The following SMIM36 variants were observed in gnomAD, a reference collection of about 807,000 sequenced individuals.
SMIM36 encodes the protein small integral membrane protein 36.
chr17:55,521,093 A>C, the SMIM36 span, among the ~76,000 whole-genome samples: 1 of 152,210 alleles, frequency 6.6e-6, no homozygotes, highest in African/African-American at 2.4e-5. Context: ...ACTGCACTCC[A>C]GCTTGACTGG....
intron 1 of SMIM36, among the ~76,000 whole-genome samples, chr17:55,501,016 T>TATATA (rs1567870722): frequency 0.012 from 128 of 10,250 alleles, 36 homozygotes; most frequent in African/African-American, 0.055. Context: ...ATTATTATAT[T>TATATA]TTGTAATATA....
At chr17:55,469,992 CA>C (rs1267971988) in intron 3 of SMIM36, among the ~76,000 whole-genome samples, 7 of 146,390 alleles carry the variant, frequency 4.8e-5, no homozygotes, top group Non-Finnish European at 7.5e-5. Flanking sequence ...AAAAAAAAAA[CA>C]AAAAAAAACC....
At chr17:55,531,227 A>T in the SMIM36 span, among the ~76,000 whole-genome samples, 1 of 152,086 alleles carries the variant, frequency 6.6e-6, no homozygotes, top group Admixed American at 6.6e-5. Context: ...TGACCTCCCC[A>T]CATGACCAAA....
At chr17:55,460,879 A>C (rs184328890) in intron 4 of SMIM36, among the ~76,000 whole-genome samples, 410 of 152,294 alleles carry the variant, frequency 2.7e-3, no homozygotes, top group Non-Finnish European at 3.9e-3. Context: ...AACAAAAAAA[A>C]CCATAAATAC....
chr17:55,469,539 A>G (rs1909304744), intron 3 of SMIM36, among the ~76,000 whole-genome samples: 1 of 152,168 alleles, frequency 6.6e-6, no homozygotes, highest in South Asian at 2.1e-4. Context: ...ATTAGATTCC[A>G]GCTTTTGAAC....
intron 1 of SMIM36, among the ~76,000 whole-genome samples, chr17:55,480,837 G>A (rs1470225246): frequency 1.3e-5 from 2 of 152,062 alleles, no homozygotes; most frequent in African/African-American, 2.4e-5. Context: ...AACAGCAGGG[G>A]CAACCATGAT....
the SMIM36 span, among the ~76,000 whole-genome samples, chr17:55,525,718 C>T: frequency 0.033 from 4,994 of 151,474 alleles, 238 homozygotes; most frequent in African/African-American, 0.11. Flanking sequence ...AGTGCAGTGG[C>T]GTGATCTCGG....
upstream of SMIM36, among the ~76,000 whole-genome samples, chr17:55,513,902 G>GC (rs940563623): frequency 2.6e-5 from 4 of 152,056 alleles, no homozygotes; most frequent in African/African-American, 9.7e-5. Flanking sequence ...TTCTTAGATT[G>GC]CCCCCATTCT....
At chr17:55,515,338 G>A (rs1390156314), upstream of SMIM36, among the ~76,000 whole-genome samples, 1 of 151,970 alleles carries the variant, frequency 6.6e-6, no homozygotes, top group Non-Finnish European at 1.5e-5. Context: ...GCTCACTTGG[G>A]AGCCTCACCT....
At chr17:55,524,113 C>T in the SMIM36 span, among the ~76,000 whole-genome samples, 1 of 152,046 alleles carries the variant, frequency 6.6e-6, no homozygotes, top group African/African-American at 2.4e-5. Context: ...GTCTGTTGTT[C>T]CCCTTTGCGT....
chr17:55,516,099 A>C (rs539668961), upstream of SMIM36, among the ~76,000 whole-genome samples: 68 of 152,374 alleles, frequency 4.5e-4, no homozygotes, highest in Non-Finnish European at 1.5e-5. Flanking sequence ...TTAAAATAGC[A>C]CTTGGCTGGA....
At chr17:55,530,234 T>G in the SMIM36 span, among the ~76,000 whole-genome samples, 1 of 151,990 alleles carries the variant, frequency 6.6e-6, no homozygotes, top group Non-Finnish European at 1.5e-5. Flanking sequence ...TTGACTGAGG[T>G]GGTAAAGGTC....
chr17:55,480,241 TAA>T lies in SMIM36; in HGVS notation c.*175-663_*175-662del, dbSNP rs112973181. Reference sequence around the variant, plus strand: ...CAGAGGCAGAAAAAATGGAGCGTTCTAAAAAAAAAAAAAAAAGCAATGACCTC... The same window carrying T: ...CAGAGGCAGAAAAAATGGAGCGTTCTAAAAAAAAAAAAAAGCAATGACCTC... On this transcript the variant is annotated intron_variant, in intron 1 of 4. Coordinates refer to ENST00000636752, the Ensembl canonical transcript of SMIM36. Among the ~76,000 whole-genome samples the T allele has an allele frequency of 6.9e-3, 892 of 128,756 alleles. 9 individuals are homozygous for T. Among genetic ancestry groups the T allele is most frequent in the African/African-American group, 0.022 (777 of 34,618 alleles). 84.5% of individuals were successfully genotyped at this position (128,756 alleles called of 152,430 possible). A position where few individuals can be genotyped will look rare whatever the true frequency, so the allele number is the denominator to read the frequency against.
At chr17:55,489,269 T>C (rs573124953) in intron 1 of SMIM36, among the ~76,000 whole-genome samples, 1 of 152,130 alleles carries the variant, frequency 6.6e-6, no homozygotes, top group East Asian at 1.9e-4. Flanking sequence ...TCCCAGTTAC[T>C]TGGGAGGCTG....
chr17:55,455,872 C>T (rs933426925), intron 4 of SMIM36, among the ~76,000 whole-genome samples: 9 of 151,778 alleles, frequency 5.9e-5, no homozygotes, highest in African/African-American at 1.9e-4. Flanking sequence ...AATCCCAGCA[C>T]TTTGGGAGGC....
At chr17:55,480,698 G>A (rs1347053798) in intron 1 of SMIM36, among the ~76,000 whole-genome samples, 1 of 152,164 alleles carries the variant, frequency 6.6e-6, no homozygotes, top group African/African-American at 2.4e-5. Flanking sequence ...TTGGGATCAG[G>A]AAACCTCAAG....
chr17:55,519,753 C>G, the SMIM36 span, among the ~76,000 whole-genome samples: 1 of 152,082 alleles, frequency 6.6e-6, no homozygotes, highest in Non-Finnish European at 1.5e-5. Flanking sequence ...AGGCATTTGG[C>G]GAGTAAGTCT....
intron 3 of SMIM36, among the ~76,000 whole-genome samples, chr17:55,467,675 C>T (rs574062539): frequency 8.5e-5 from 13 of 152,302 alleles, no homozygotes; most frequent in Non-Finnish European, 1.6e-4. Context: ...GGATTGCAGG[C>T]GTGAGCCACC....
intron 4 of SMIM36, among the ~76,000 whole-genome samples, chr17:55,466,277 CAAAAA>C (rs796506078): frequency 2.1e-5 from 1 of 46,880 alleles, no homozygotes; most frequent in Non-Finnish European, 4.0e-5. Flanking sequence ...GACTCCGTCT[CAAAAA>C]AAAAAAAAAA....
Sources: allele counts gnomAD v4.1 joint callset (sites outside exome capture counted in the v4.1 genomes callset), GRCh38; gene constraint gnomAD v4.1.1; transcripts MANE v1.5; gene names NCBI Gene and HGNC (gene_info 2026-07-23, HGNC 2026-07-21).